The following WNT7A variants were observed in gnomAD, a reference collection of about 807,000 sequenced individuals.
The protein encoded by WNT7A is protein Wnt-7a.
WNT7A carries 16 observed loss-of-function variants against 28.2 expected under a neutral mutation model. That is an observed-to-expected ratio of 0.57 (90% CI 0.38 to 0.86). WNT7A has a LOEUF of 0.86. Ranked by LOEUF, WNT7A falls within the 40% of genes least tolerant of loss-of-function variation. The pLI is 0.00. For synonymous variants in WNT7A, 190 were observed against 195.9 expected (o/e 0.97, Z 0.25); for missense variants, 411 against 489.7 (o/e 0.84, Z 1.52).
intron 2 of WNT7A, chr3:13,864,032 GA>G (rs2124869221): frequency 6.6e-6 from 1 of 152,272 alleles, no homozygotes; most frequent in Admixed American, 6.5e-5. Context: ...TCCAGGGGTT[GA>G]CTCCTAGGTC....
intron 3 of WNT7A, among the ~76,000 whole-genome samples, chr3:13,821,443 C>T (rs1694108407): frequency 6.6e-6 from 1 of 152,238 alleles, no homozygotes; most frequent in Non-Finnish European, 1.5e-5. Flanking sequence ...TAGAGAATCA[C>T]ACTGTGTGTG....
chr3:13,819,514 C>A, intron 3 of WNT7A, 91 bp from the exon 4 acceptor site: 1 of 1,448,408 alleles, frequency 6.9e-7, no homozygotes, highest in South Asian at 1.4e-5. Context: ...CCCACCCCTG[C>A]CCCACCTATC....
intron 3 of WNT7A, among the ~76,000 whole-genome samples, chr3:13,835,234 G>A (rs75979099): frequency 0.017 from 2,663 of 152,306 alleles, 41 homozygotes; most frequent in African/African-American, 0.042. Context: ...ATGTGGAATG[G>A]CATTGGAGAA....
Position 13,860,774 on chromosome 3 carries a change from C to T in WNT7A, c.299-5971G>A, listed in dbSNP as rs1338768077. On this transcript the variant is annotated intron_variant, in intron 2 of 3. Transcript: ENST00000285018. The stretch of plus-strand genomic sequence containing the variant: ...AGCTGTACGGGGAAGCCCCTTCATT[C>T]AGGTGGGTAATTTCCCGAATGCCTA... 3.3e-5 allele frequency among the ~76,000 whole-genome samples: 5 copies of T among 152,302 alleles called. No homozygotes were observed. The South Asian group carries it at 8.3e-4, about 25-fold the overall frequency.
At chr3:13,862,378 A>G (rs899020261) in intron 2 of WNT7A, among the ~76,000 whole-genome samples, 1 of 152,380 alleles carries the variant, frequency 6.6e-6, no homozygotes, top group South Asian at 2.1e-4. Flanking sequence ...TTGCACCGGA[A>G]TATTATCTGG....
rs1694035857 is a variant in WNT7A at position 13,817,993 on chromosome 3, G to A, written c.*951C>T. 6.6e-6 allele frequency: 1 copy of A among 152,194 alleles called. No homozygotes were observed. Among genetic ancestry groups the A allele is most frequent in the African/African-American group, 2.4e-5 (1 of 41,454 alleles). The allele number at this position is 152,194 out of a possible 1,614,324, so 9.4% of individuals were successfully genotyped here. A position where few individuals can be genotyped will look rare whatever the true frequency, so the allele number is the denominator to read the frequency against. ...GCAAACAGAACTCAAGAATCCAGCT[G>A]TGCAAGGGGCCCCATGGGGCCTGAC... is the stretch of plus-strand genomic sequence containing the variant. On this transcript the variant is annotated 3_prime_UTR_variant, in exon 4 of 4. Coordinates refer to ENST00000285018, the MANE Select transcript of WNT7A (RefSeq NM_004625.4).
intron 2 of WNT7A, chr3:13,864,012 G>A (rs1178845137): frequency 6.6e-6 from 1 of 152,174 alleles, no homozygotes; most frequent in Non-Finnish European, 1.5e-5. Context: ...GTAGACAGAG[G>A]AGGGTGGACT....
chr3:13,849,854 G>A (rs980615188), intron 3 of WNT7A, among the ~76,000 whole-genome samples: 1 of 152,232 alleles, frequency 6.6e-6, no homozygotes, highest in Non-Finnish European at 1.5e-5. Flanking sequence ...CCTGAGGTGC[G>A]AACAAGCTTG....
chr3:13,823,871 C>A (rs1185300410), intron 3 of WNT7A, among the ~76,000 whole-genome samples: 2 of 152,136 alleles, frequency 1.3e-5, no homozygotes, highest in Non-Finnish European at 2.9e-5. Context: ...CCCTGCTGGG[C>A]CCTTCAGGAT....
chr3:13,821,250 G>T (rs546720902), intron 3 of WNT7A, among the ~76,000 whole-genome samples: 1 of 152,238 alleles, frequency 6.6e-6, no homozygotes. Context: ...CCTGGGGGAT[G>T]CTCAAAATGG....
At chr3:13,821,359 G>A (rs969921984) in intron 3 of WNT7A, among the ~76,000 whole-genome samples, 9 of 152,192 alleles carry the variant, frequency 5.9e-5, no homozygotes, top group Non-Finnish European at 8.8e-5. Context: ...TTAGAAACCC[G>A]TTTTCCAGTA....
intron 2 of WNT7A, among the ~76,000 whole-genome samples, chr3:13,856,941 GA>G (rs1694749171): frequency 1.6e-5 from 2 of 121,308 alleles, no homozygotes; most frequent in Admixed American, 1.7e-4. Context: ...AGAAGAAGAA[GA>G]AGAAGAAGAA....
chr3:13,864,315 G>T (rs1483670430), intron 2 of WNT7A, among the ~76,000 whole-genome samples: 1 of 152,006 alleles, frequency 6.6e-6, no homozygotes, highest in Non-Finnish European at 1.5e-5. Flanking sequence ...CAGGATGCCT[G>T]GTCCCACCTC....
intron 1 of WNT7A, chr3:13,877,031 G>C (rs955616242): frequency 6.6e-6 from 1 of 152,230 alleles, no homozygotes; most frequent in African/African-American, 2.4e-5. Flanking sequence ...CTGTCTGCTG[G>C]TTCACTAAAT....
intron 2 of WNT7A, among the ~76,000 whole-genome samples, chr3:13,871,166 G>A (rs996549355): frequency 6.6e-6 from 1 of 152,186 alleles, no homozygotes; most frequent in African/African-American, 2.4e-5. Flanking sequence ...ATGGGGTGGA[G>A]CTTTGGAAAG....
At chr3:13,821,135 G>C (rs1694102914) in intron 3 of WNT7A, among the ~76,000 whole-genome samples, 1 of 152,260 alleles carries the variant, frequency 6.6e-6, no homozygotes, top group South Asian at 2.1e-4. Flanking sequence ...AGAAGCAGGA[G>C]AAAGAGCAAA....
At chr3:13,875,323 T>C (rs1695095362) in intron 1 of WNT7A, 150 bp from the exon 2 acceptor site, 1 of 720,716 alleles carries the variant, frequency 1.4e-6, no homozygotes, top group Admixed American at 2.2e-5. Flanking sequence ...CTCATGTCCA[T>C]TCGAATAGAA....
chr3:13,849,507 A>C (rs968576928), intron 3 of WNT7A, among the ~76,000 whole-genome samples: 6 of 152,204 alleles, frequency 3.9e-5, no homozygotes, highest in African/African-American at 1.4e-4. Context: ...TCACTCAACA[A>C]ATATTTCTTG....
intron 2 of WNT7A, among the ~76,000 whole-genome samples, chr3:13,860,143 C>G (rs932229462): frequency 1.3e-5 from 2 of 152,130 alleles, no homozygotes; most frequent in African/African-American, 4.8e-5. Flanking sequence ...ATGCTTGGTC[C>G]TCTGTGAAGG....
Sources: gnomAD v4.1 joint callset for allele counts (sites outside exome capture counted in the v4.1 genomes callset) on GRCh38, gnomAD v4.1.1 for gene constraint, MANE v1.5 for transcripts, NCBI Gene and HGNC (gene_info 2026-07-23, HGNC 2026-07-21) for gene names.